Variants in POC5 observed in about 807,000 individuals in gnomAD.
The protein encoded by POC5 is POC5 centriolar protein, also known as centrosomal protein POC5.
POC5 carries 48 observed loss-of-function variants against 62.9 expected under a neutral mutation model. The ratio of observed to expected loss-of-function variants is 0.76; its 90% CI spans 0.61 to 0.97. POC5 has a LOEUF of 0.97. Ranked by LOEUF, POC5 falls within the 50% of genes least tolerant of loss-of-function variation. The pLI is 0.00. For synonymous variants in POC5, 236 were observed against 228.2 expected (o/e 1.03, Z -0.31); for missense variants, 696 against 679.5 (o/e 1.02, Z -0.27).
chr5:75,687,859 A>G (rs1776163251), intron 9 of POC5, among the ~76,000 whole-genome samples: 1 of 152,256 alleles, frequency 6.6e-6, no homozygotes, highest in Non-Finnish European at 1.5e-5. Context: ...GCTGATACTT[A>G]GAACTGAAAC....
At chr5:75,679,670 G>C (rs1298424298) in intron 10 of POC5, among the ~76,000 whole-genome samples, 2 of 152,120 alleles carry the variant, frequency 1.3e-5, no homozygotes, top group African/African-American at 2.4e-5. Context: ...TGTAGTCATA[G>C]TACACATTCA....
At position 75,674,315 on chromosome 5, in the gene POC5, G is replaced by A; in HGVS notation, c.*120C>T. The A allele has an allele frequency of 1.0e-6, 1 of 996,498 alleles. No individual in the cohort carries two copies. Among genetic ancestry groups the A allele is most frequent in the Non-Finnish European group, 1.4e-6 (1 of 704,404 alleles). The allele number at this position is 996,498 out of a possible 1,614,324, so 61.7% of individuals were successfully genotyped here. On this transcript the variant is annotated 3_prime_UTR_variant, in exon 12 of 12. Coordinates refer to ENST00000428202, the MANE Select transcript of POC5 (RefSeq NM_001099271.2). ...GCTTGAAAAAGCCTCTTGTAATTTTGAACAGATGAACATGATGTCTCCATG... is the reference window on the plus strand; with the variant it reads ...GCTTGAAAAAGCCTCTTGTAATTTTAAACAGATGAACATGATGTCTCCATG...
At position 75,674,402 on chromosome 5, in the gene POC5, G is replaced by A; in HGVS notation, c.*33C>T. The stretch of plus-strand genomic sequence containing the variant: ...CTTCTAACCCTTGGTAAGACCAGAG[G>A]GATTAAAAGACCCCACTATGGACAT... On this transcript the variant is annotated 3_prime_UTR_variant, in exon 12 of 12. Coordinates refer to ENST00000428202, the MANE Select transcript of POC5 (RefSeq NM_001099271.2). The A allele has an allele frequency of 3.1e-6, 5 of 1,605,436 alleles. No homozygotes were observed. Among genetic ancestry groups the A allele is most frequent in the Non-Finnish European group, 4.3e-6 (5 of 1,174,814 alleles).
chr5:75,708,085 T>C (rs1580059406), intron 2 of POC5, among the ~76,000 whole-genome samples: 1 of 152,294 alleles, frequency 6.6e-6, no homozygotes. Context: ...GAGGGCTGGG[T>C]GCAGTGACTC....
In POC5 at chr5:75,717,098, G is replaced by A. The variant is rs944792398; in HGVS notation, c.-15+208C>T. On this transcript the variant is annotated intron_variant, in intron 1 of 11. Transcript: ENST00000428202. ...ACCGGAACCTCTGATGACAGTAATCGCTCAGCATCCCTCACTCCTGCTCAC... is the reference window on the plus strand; with the variant it reads ...ACCGGAACCTCTGATGACAGTAATCACTCAGCATCCCTCACTCCTGCTCAC... Among the ~76,000 whole-genome samples the A allele has an allele frequency of 1.3e-5, 2 of 152,126 alleles. 1 individual carries two copies. Among genetic ancestry groups the A allele is most frequent in the Admixed American group, 1.3e-4 (2 of 15,274 alleles).
chr5:75,707,980 T>C, intron 2 of POC5, 105 bp from the exon 3 acceptor site: 1 of 1,017,032 alleles, frequency 9.8e-7, no homozygotes, highest in Non-Finnish European at 1.4e-6. Context: ...TAGAGTCCCA[T>C]GCTTATTATA....
intron 8 of POC5, among the ~76,000 whole-genome samples, chr5:75,690,133 C>A (rs961504374): frequency 6.6e-6 from 1 of 152,164 alleles, no homozygotes; most frequent in African/African-American, 2.4e-5. Context: ...CCCGCCTCGG[C>A]CTCCCAAAGT....
In POC5 at chr5:75,677,951, C is replaced by A. The variant is rs1446674823; in HGVS notation, c.1408-1G>T. On this transcript the variant is annotated splice_acceptor_variant, in intron 10 of 11. Coordinates refer to ENST00000428202, the MANE Select transcript of POC5 (RefSeq NM_001099271.2). LOFTEE classifies it high-confidence loss of function. ...CAGAGGTTACAACTCTTGGCACATA[C>A]TAAGAAGAAAAAAAAATAAAAGAAG... 2.7e-6 allele frequency: 4 copies of A among 1,505,016 alleles called. No homozygotes were observed. The highest frequency in any genetic ancestry group is 2.3e-5 in the Admixed American group (1 of 44,358). 93.2% of individuals were successfully genotyped at this position (1,505,016 alleles called of 1,614,324 possible). A position where few individuals can be genotyped will look rare whatever the true frequency, so the allele number is the denominator to read the frequency against.
chr5:75,705,282 A>G (rs1777071090), intron 4 of POC5: 1 of 152,924 alleles, frequency 6.5e-6, no homozygotes, highest in Non-Finnish European at 1.5e-5. Context: ...TAACAAAGAC[A>G]AAGCAGACTT....
At chr5:75,688,908 A>C in intron 9 of POC5, 104 bp downstream of exon 9, 1 of 1,131,130 alleles carries the variant, frequency 8.8e-7, no homozygotes, top group Non-Finnish European at 1.2e-6. Context: ...CCTGGATGAA[A>C]CATACCTACT....
intron 9 of POC5, among the ~76,000 whole-genome samples, chr5:75,686,836 T>G (rs937046177): frequency 6.6e-6 from 1 of 152,144 alleles, no homozygotes; most frequent in African/African-American, 2.4e-5. Context: ...CAGATATAAT[T>G]TTAAGGACTT....
Position 75,690,558 on chromosome 5 carries a change from T to A in POC5, c.800A>T (p.Tyr267Phe). Residue 267 changes from tyrosine (Y) to phenylalanine (F), a missense_variant, in exon 8 of 12, where the codon TAT becomes TTT. Coordinates refer to ENST00000428202, the MANE Select transcript of POC5 (RefSeq NM_001099271.2). Reference protein sequence around the residue: ...IGHVRARQDVYEGKLADQYYQ... With the variant: ...IGHVRARQDVFEGKLADQYYQ... ...GTACTGGTCAGCTAGTTTACCTTCA[T>A]AAACCTAAATAAAAGTAAAATATAA... 1 of 1,551,846 alleles carries A rather than the reference T, an allele frequency of 6.4e-7. No individual in the cohort carries two copies. The highest frequency in any genetic ancestry group is 1.2e-5 in the South Asian group (1 of 81,480).
chr5:75,713,550 T>C (rs1022939476), intron 1 of POC5, among the ~76,000 whole-genome samples: 1 of 152,196 alleles, frequency 6.6e-6, no homozygotes, highest in Non-Finnish European at 1.5e-5. Flanking sequence ...TCCTCATTCT[T>C]AAGGAGTTTA....
Position 75,692,401 on chromosome 5 carries a change from G to C in POC5, c.790C>G (p.Gln264Glu). Residue 264 changes from glutamine to glutamate, a missense_variant, in exon 7 of 12, where the codon CAG (glutamine) becomes GAG (glutamate). Physicochemically the swap from Gln to Glu is conservative, Grantham distance 29. Coordinates refer to ENST00000428202, the MANE Select transcript of POC5 (RefSeq NM_001099271.2). Reference protein sequence around the residue: ...HWRIGHVRARQDVYEGKLADQ... With the variant: ...HWRIGHVRAREDVYEGKLADQ... ...TCTTCTGCTTTGACACTTACATCCT[G>C]TCTGGCTCTGACATGGCCGATTCGC... The C allele has an allele frequency of 6.3e-7, 1 of 1,584,420 alleles. No individual in the cohort carries two copies. Among genetic ancestry groups the C allele is most frequent in the South Asian group, 1.1e-5 (1 of 87,508 alleles).
chr5:75,714,571 AG>A (rs966118167), intron 1 of POC5, among the ~76,000 whole-genome samples: 1 of 152,198 alleles, frequency 6.6e-6, no homozygotes, highest in South Asian at 2.1e-4. Flanking sequence ...TAATAGATCA[AG>A]GGGTTAAAAA....
At chr5:75,698,912 A>C (rs1233579815) in intron 5 of POC5, among the ~76,000 whole-genome samples, 1 of 152,224 alleles carries the variant, frequency 6.6e-6, no homozygotes, top group Non-Finnish European at 1.5e-5. Flanking sequence ...CAGAAATACA[A>C]AGTACCATCA....
intron 10 of POC5, among the ~76,000 whole-genome samples, chr5:75,679,796 G>T (rs2112077827): frequency 6.6e-6 from 1 of 152,172 alleles, no homozygotes; most frequent in South Asian, 2.1e-4. Flanking sequence ...GCATCAGGAG[G>T]CCAAGTCCTC....
At position 75,707,854 on chromosome 5, in the gene POC5, G is replaced by A. The variant is rs779825020; in HGVS notation, c.106C>T (p.His36Tyr). ...ATATTTGGAGTCACTATAGCATAAT[G>A]AAGCAGTTCTTCATATTCTTCCTAA... is the stretch of plus-strand genomic sequence containing the variant. ...NLQEEYEELL[H>Y]YAIVTPNIEP... is the part of the protein sequence containing the mutation. The change falls in exon 3 of 12, where the codon CAT (histidine) becomes TAT (tyrosine). Residue 36 changes from histidine (H) to tyrosine (Y), a missense_variant. Transcript: ENST00000428202. 28 of 1,586,730 alleles carry A rather than the reference G, an allele frequency of 1.8e-5. No individual in the cohort carries two copies. Among genetic ancestry groups the A allele is most frequent in the Non-Finnish European group, 2.3e-5 (27 of 1,161,966 alleles).
chr5:75,686,274 G>T (rs554232573), intron 9 of POC5, among the ~76,000 whole-genome samples: 3 of 152,190 alleles, frequency 2.0e-5, no homozygotes, highest in Admixed American at 6.5e-5. Context: ...CTGTATCTGT[G>T]TGGTATCAAA....
Sources: allele counts gnomAD v4.1 joint callset (sites outside exome capture counted in the v4.1 genomes callset), GRCh38; gene constraint gnomAD v4.1.1; transcripts MANE v1.5; gene names NCBI Gene and HGNC (gene_info 2026-07-23, HGNC 2026-07-21).